Variants in LUC7L observed in about 807,000 individuals in gnomAD.
LUC7L encodes the protein LUC7 like.
In LUC7L, 29 loss-of-function variants were observed where a neutral mutation model predicts 51.1. That is an observed-to-expected ratio of 0.57 (90% confidence interval 0.42 to 0.77). The LOEUF (loss-of-function observed/expected upper bound fraction) is 0.77. Ranked by LOEUF, LUC7L falls within the 30% of genes least tolerant of loss-of-function variation. LUC7L has a pLI of 0.00. For missense variants in LUC7L, 403 were observed against 511.9 expected (o/e 0.79, Z 2.05); for synonymous variants, 181 against 180.7 (o/e 1.00, Z -0.01).
chr16:190,248 C>G (rs1389766272), intron 8 of LUC7L, 113 bp from the exon 9 acceptor site: 1 of 969,126 alleles, frequency 1.0e-6, no homozygotes, highest in East Asian at 2.6e-5. Context: ...CCTTTACTCC[C>G]ACAAATTTAG....
intron 5 of LUC7L, among the ~76,000 whole-genome samples, chr16:201,737 C>CTTTTTTT (rs34083330): frequency 5.5e-5 from 3 of 54,308 alleles, no homozygotes; most frequent in East Asian, 5.3e-4. Context: ...CCGCACCAGG[C>CTTTTTTT]TTTTTTTTTT....
intron 7 of LUC7L, among the ~76,000 whole-genome samples, chr16:192,307 C>T (rs558883077): frequency 3.0e-4 from 46 of 152,218 alleles, no homozygotes; most frequent in African/African-American, 1.1e-3. Context: ...CAGCCCAGCA[C>T]GCTTGCCAAA....
chr16:220,796 G>A (rs373002380), intron 2 of LUC7L, 49 bp from the exon 3 acceptor site: 5 of 1,248,084 alleles, frequency 4.0e-6, no homozygotes, highest in African/African-American at 3.0e-5. Context: ...ACCTACTGTA[G>A]AAAGCACACA....
intron 1 of LUC7L, chr16:228,252 T>G: frequency 7.7e-7 from 1 of 1,297,414 alleles, no homozygotes; most frequent in Non-Finnish European, 1.0e-6. Flanking sequence ...GTTTTCTTTC[T>G]AAACTACACT....
chr16:223,675 CT>C lies in LUC7L; in HGVS notation c.157-2929del, dbSNP rs113627667. On this transcript the variant is annotated intron_variant, in intron 2 of 9. Transcript: ENST00000293872. ...TTTTACCTCATTCACTCTGTTTTTT[CT>C]TTTTTTTTTTTGAGGCGGAGTCTCA... is the stretch of plus-strand genomic sequence containing the variant. Among the ~76,000 whole-genome samples the C allele has an allele frequency of 1.8e-3, 265 of 143,434 alleles. 1 individual carries two copies. The highest frequency in any genetic ancestry group is 3.6e-3 in the African/African-American group (141 of 39,488). The allele number at this position is 143,434 out of a possible 152,430, so 94.1% of individuals were successfully genotyped here.
At chr16:222,553 G>A (rs545196451) in intron 2 of LUC7L, among the ~76,000 whole-genome samples, 7 of 152,012 alleles carry the variant, frequency 4.6e-5, no homozygotes, top group South Asian at 2.1e-4. Context: ...GGAAGAGATC[G>A]CTTGAGCCTA....
rs758076454 is a variant in LUC7L, at chr16:208,203, G to C, written c.256-15C>G. 2.6e-6 allele frequency: 4 copies of C among 1,552,628 alleles called. No individual in the cohort carries two copies. The highest frequency in any genetic ancestry group is 3.6e-6 in the Non-Finnish European group (4 of 1,124,556). ...TGATCCATTGCCTAGCACGGGAAAA[G>C]CACAGCGCTATAATCAATGATGTGT... On this transcript the variant is annotated splice_polypyrimidine_tract_variant and intron_variant, in intron 3 of 9. Coordinates refer to ENST00000293872, the MANE Select transcript of LUC7L (RefSeq NM_201412.3).
At chr16:227,215 C>A (rs769809070) in intron 2 of LUC7L, 27 bp downstream of exon 2, 2 of 1,574,164 alleles carry the variant, frequency 1.3e-6, no homozygotes, top group South Asian at 1.1e-5. Flanking sequence ...TCAGAGTGTT[C>A]CATGAGGTCC....
intron 3 of LUC7L, among the ~76,000 whole-genome samples, chr16:218,489 G>A (rs1311963847): frequency 1.3e-5 from 2 of 152,208 alleles, no homozygotes; most frequent in African/African-American, 4.8e-5. Flanking sequence ...GGGAGAGTGA[G>A]GTGGGTGGAT....
chr16:189,408 C>A (rs140586648), intron 9 of LUC7L, 69 bp from the exon 10 acceptor site: 4 of 1,528,674 alleles, frequency 2.6e-6, no homozygotes, highest in Non-Finnish European at 3.5e-6. Flanking sequence ...CAGGCACTGA[C>A]GATGGACCCG....
At chr16:192,047 T>C (rs543589901) in intron 7 of LUC7L, among the ~76,000 whole-genome samples, 1 of 152,142 alleles carries the variant, frequency 6.6e-6, no homozygotes, top group Admixed American at 6.6e-5. Context: ...AGGCATCTTC[T>C]ACTTCCCACC....
chr16:204,520 G>A (rs1298759754), intron 5 of LUC7L, among the ~76,000 whole-genome samples: 5 of 151,746 alleles, frequency 3.3e-5, no homozygotes, highest in Admixed American at 3.3e-4. Flanking sequence ...TGTGAACCGA[G>A]GAAGCGGAGC....
chr16:194,982 T>TACCCA (rs1267807095), intron 6 of LUC7L, among the ~76,000 whole-genome samples: 5 of 152,124 alleles, frequency 3.3e-5, no homozygotes, highest in Non-Finnish European at 5.9e-5. Context: ...TAATCTTCCA[T>TACCCA]ACCCAGTGTG....
chr16:193,151 T>TA, intron 6 of LUC7L, 136 bp from the exon 7 acceptor site: 1 of 746,336 alleles, frequency 1.3e-6, no homozygotes. Context: ...GAAATGGGAA[T>TA]ACTTTTTTTT....
chr16:217,622 G>A (rs1446653759), intron 3 of LUC7L, among the ~76,000 whole-genome samples: 6 of 151,644 alleles, frequency 4.0e-5, no homozygotes, highest in East Asian at 3.9e-4. Context: ...CAGGAAAATC[G>A]CTTGAAACCA....
chr16:195,803 T>C (rs2049133323), intron 6 of LUC7L, among the ~76,000 whole-genome samples: 1 of 151,876 alleles, frequency 6.6e-6, no homozygotes. Flanking sequence ...CTGGGAGGCC[T>C]AGGAAGGTGG....
intron 1 of LUC7L, chr16:227,647 A>T: frequency 8.8e-7 from 1 of 1,134,278 alleles, no homozygotes; most frequent in Non-Finnish European, 1.1e-6. Flanking sequence ...TGTGGCAATG[A>T]GACTGCAAAA....
At chr16:215,386 C>T (rs1371190593) in intron 3 of LUC7L, among the ~76,000 whole-genome samples, 1 of 151,694 alleles carries the variant, frequency 6.6e-6, no homozygotes, top group African/African-American at 2.4e-5. Context: ...TTTGGGAGGC[C>T]GAGGCGAATG....
intron 3 of LUC7L, among the ~76,000 whole-genome samples, chr16:217,039 G>GT (rs2049822900): frequency 6.6e-6 from 1 of 151,706 alleles, no homozygotes; most frequent in Non-Finnish European, 1.5e-5. Flanking sequence ...TTGAGACAGA[G>GT]TTTCGCTCTG....
Sources: gnomAD v4.1 joint callset for allele counts (sites outside exome capture counted in the v4.1 genomes callset) on GRCh38, gnomAD v4.1.1 for gene constraint, MANE v1.5 for transcripts, NCBI Gene and HGNC (gene_info 2026-07-23, HGNC 2026-07-21) for gene names.